The following CACNA1G variants were observed in gnomAD, a reference collection of about 807,000 sequenced individuals.
CACNA1G encodes the protein calcium voltage-gated channel subunit alpha1 G, also known as voltage-dependent T-type calcium channel subunit alpha-1G.
A neutral mutation model predicts 219.4 loss-of-function variants in CACNA1G; 67 were observed. That is an observed-to-expected ratio of 0.31 (90% CI 0.25 to 0.37). The LOEUF (loss-of-function observed/expected upper bound fraction) is 0.37. Ranked by LOEUF, CACNA1G falls within the 10% of genes least tolerant of loss-of-function variation. CACNA1G has a pLI of 1.00. For synonymous variants in CACNA1G, 1,296 were observed against 1,345.3 expected, an observed-to-expected ratio of 0.96 and a Z score of 0.80; for missense variants, 2,380 against 3,231.4, an observed-to-expected ratio of 0.74 and a Z score of 6.39.
At chr17:50,582,876 G>T (rs1449813845) in intron 9 of CACNA1G, among the ~76,000 whole-genome samples, 1 of 152,062 alleles carries the variant, frequency 6.6e-6, no homozygotes, top group African/African-American at 2.4e-5. Flanking sequence ...GACAGGGCAG[G>T]TGATGACTCT....
At chr17:50,609,495 C>T (rs1197936783) in intron 25 of CACNA1G, among the ~76,000 whole-genome samples, 1 of 152,118 alleles carries the variant, frequency 6.6e-6, no homozygotes, top group Non-Finnish European at 1.5e-5. Context: ...CCCCACCTCA[C>T]AGTCAGGCAG....
intron 13 of CACNA1G, among the ~76,000 whole-genome samples, 175 bp from the exon 14 acceptor site, chr17:50,594,818 A>C (rs1323298718): frequency 1.3e-5 from 2 of 152,014 alleles, no homozygotes; most frequent in Admixed American, 1.3e-4. Context: ...CTGTAGTTGA[A>C]TTCTGGAAGG....
At chr17:50,584,939 G>A (rs1375976772) in intron 9 of CACNA1G, among the ~76,000 whole-genome samples, 1 of 152,140 alleles carries the variant, frequency 6.6e-6, no homozygotes, top group African/African-American at 2.4e-5. Flanking sequence ...GCACATGTTC[G>A]TGCCTCTCTC....
rs1345762292 is a variant in CACNA1G, at chr17:50,621,911, T to A, written c.6060+117T>A. The A allele has an allele frequency of 8.6e-7, 1 of 1,158,980 alleles. No homozygotes were observed. The highest frequency in any genetic ancestry group is 1.2e-6 in the Non-Finnish European group (1 of 810,504). The allele number at this position is 1,158,980 out of a possible 1,614,324, so 71.8% of individuals were successfully genotyped here. A position where few individuals can be genotyped will look rare whatever the true frequency, so the allele number is the denominator to read the frequency against. On this transcript the variant is annotated intron_variant, in intron 35 of 37. Transcript: ENST00000359106. This position sits in a 1 kb window ranked among gnomAD's most constrained non-coding sequence, Gnocchi z 4.6. ...GCCTCCTCTCAGTTTGCTGCCAGGCTCCACCCAGAGGCATCAACTGTCAGG... is the reference window on the plus strand; with the variant it reads ...GCCTCCTCTCAGTTTGCTGCCAGGCACCACCCAGAGGCATCAACTGTCAGG...
intron 8 of CACNA1G, among the ~76,000 whole-genome samples, chr17:50,577,067 T>C (rs966947359): frequency 3.3e-5 from 5 of 152,126 alleles, no homozygotes; most frequent in African/African-American, 1.2e-4. Flanking sequence ...TTCGTGGGGA[T>C]GTTACGTGGG....
chr17:50,625,244 G>A (rs1355794662), intron 37 of CACNA1G, among the ~76,000 whole-genome samples: 2 of 152,202 alleles, frequency 1.3e-5, no homozygotes, highest in African/African-American at 4.8e-5. Flanking sequence ...GAGCCACCGC[G>A]CCCGGCCCCA....
chr17:50,605,419 C>G (rs1167543753), intron 22 of CACNA1G, among the ~76,000 whole-genome samples: 1 of 152,172 alleles, frequency 6.6e-6, no homozygotes, highest in African/African-American at 2.4e-5. Flanking sequence ...ACCCACTCCC[C>G]CACCCAGAGC....
At chr17:50,625,006 G>A (rs935434884) in intron 37 of CACNA1G, among the ~76,000 whole-genome samples, 1 of 146,386 alleles carries the variant, frequency 6.8e-6, no homozygotes, top group African/African-American at 2.6e-5. Flanking sequence ...AGGCTGGAGT[G>A]CAATGGCACA....
rs777732170 is a variant in CACNA1G at position 50,618,914 on chromosome 17, A to G, written c.5687A>G (p.Glu1896Gly). 10 of 1,607,874 alleles carry G rather than the reference A, an allele frequency of 6.2e-6. No individual in the cohort carries two copies. Among genetic ancestry groups the G allele is most frequent in the Non-Finnish European group, 8.5e-6 (10 of 1,176,564 alleles). Residue 1896 changes from glutamate to glycine, a missense_variant, in exon 33 of 38, where the codon GAG becomes GGG. Glu to Gly is a moderately conservative substitution (Grantham distance 98). Coordinates refer to ENST00000359106, the MANE Select transcript of CACNA1G (RefSeq NM_018896.5). This position sits in a 1 kb window ranked among gnomAD's most constrained non-coding sequence, Gnocchi z 5.3. ...LGSPFLWPGV[E>G]GPDSPDSPKP... ...AGCCCCTTCCTCTGGCCTGGGGTCGAGGGCCCCGACAGCCCCGACAGCCCC... is the reference window on the plus strand; with the variant it reads ...AGCCCCTTCCTCTGGCCTGGGGTCGGGGGCCCCGACAGCCCCGACAGCCCC...
At position 50,612,013 on chromosome 17, in the gene CACNA1G, G is replaced by A. The variant is rs191314225; in HGVS notation, c.4759+2078G>A. ...GAGGACTCAGAGACCCCGAACAAGGGCTCAGGTCATCCCATATCCCACTTC... is the reference window on the plus strand; with the variant it reads ...GAGGACTCAGAGACCCCGAACAAGGACTCAGGTCATCCCATATCCCACTTC... On this transcript the variant is annotated intron_variant, in intron 26 of 37. Transcript: ENST00000359106. Among the ~76,000 whole-genome samples, 3 of 152,342 alleles carry A rather than the reference G, an allele frequency of 2.0e-5. No homozygotes were observed. The East Asian group carries it at 5.8e-4, about 29-fold the overall frequency.
chr17:50,623,708 C>T (rs1358883050), intron 35 of CACNA1G, among the ~76,000 whole-genome samples, 199 bp from the exon 36 acceptor site: 6 of 152,126 alleles, frequency 3.9e-5, no homozygotes, highest in Non-Finnish European at 8.8e-5. Context: ...TACCTGCTTC[C>T]TCCCCGCGTG....
intron 1 of CACNA1G, among the ~76,000 whole-genome samples, chr17:50,565,734 G>A (rs1243748284): frequency 3.3e-5 from 5 of 152,080 alleles, no homozygotes; most frequent in African/African-American, 9.7e-5. Context: ...TCACCCTTGC[G>A]GCTGCCAGGC....
Position 50,626,463 on chromosome 17 carries a change from C to T in CACNA1G, c.6846C>T (p.His2282=). The T allele has an allele frequency of 6.2e-7, 1 of 1,601,426 alleles. No individual in the cohort carries two copies. The highest frequency in any genetic ancestry group is 2.3e-5 in the East Asian group (1 of 44,138). ...GCCTGGACAGCGGCTCCCAACCCCA[C>T]CTGGGCACAGACCCCTCTAACCTTG... ...VSCLDSGSQP[H]LGTDPSNLGG... The change falls in exon 38 of 38, where the codon CAC becomes CAT. Residue 2282 remains histidine, a synonymous_variant. Coordinates refer to ENST00000359106, the MANE Select transcript of CACNA1G (RefSeq NM_018896.5). The surrounding 1 kb of genome is among the most constrained non-coding windows in gnomAD (Gnocchi z 4.3).
rs373571795 is a variant in CACNA1G at position 50,618,179 on chromosome 17, C to T, written c.5306-43C>T. 1.9e-5 allele frequency: 31 copies of T among 1,612,654 alleles called. No individual in the cohort carries two copies. The highest frequency in any genetic ancestry group is 2.7e-5 in the African/African-American group (2 of 74,870). ...AGCCAGGGCTGGAGACCAGGGGGCT[C>T]CTGGACTAACATGGGCCTCTCCCCC... On this transcript the variant is annotated intron_variant, in intron 31 of 37. Coordinates refer to ENST00000359106, the MANE Select transcript of CACNA1G (RefSeq NM_018896.5). This position sits in a 1 kb window ranked among gnomAD's most constrained non-coding sequence, Gnocchi z 5.3.
Position 50,626,046 on chromosome 17 carries a change from T to C in CACNA1G, c.6429T>C (p.Val2143=), listed in dbSNP as rs2053730749. 6.2e-7 allele frequency: 1 copy of C among 1,612,612 alleles called. No homozygotes were observed. Among genetic ancestry groups the C allele is most frequent in the East Asian group, 2.2e-5 (1 of 44,824 alleles). ...QAAIRTDSLD[V]QGLGSREDLL... is the part of the protein sequence containing the mutation. Reference sequence around the variant, plus strand: ...CAATAAGGACTGACTCCTTGGACGTTCAGGGTCTGGGCAGCCGGGAAGACC... The same window carrying C: ...CAATAAGGACTGACTCCTTGGACGTCCAGGGTCTGGGCAGCCGGGAAGACC... Residue 2143 remains valine, a synonymous_variant, in exon 38 of 38, where the codon GTT becomes GTC. Transcript: ENST00000359106. This position sits in a 1 kb window ranked among gnomAD's most constrained non-coding sequence, Gnocchi z 4.3.
chr17:50,605,682 CCCG>C (rs2047803785), intron 22 of CACNA1G, among the ~76,000 whole-genome samples: 1 of 152,202 alleles, frequency 6.6e-6, no homozygotes, highest in African/African-American at 2.4e-5. Context: ...TTTCCCACTG[CCCG>C]CCCCGATTAC....
chr17:50,625,945 C>A, intron 37 of CACNA1G, 72 bp from the exon 38 acceptor site: 3 of 1,508,996 alleles, frequency 2.0e-6, no homozygotes, highest in Non-Finnish European at 2.7e-6. Flanking sequence ...GGGGGCACAG[C>A]CAGCTTGACA....
chr17:50,589,880 G>A (rs2043854266), intron 9 of CACNA1G, among the ~76,000 whole-genome samples: 1 of 146,332 alleles, frequency 6.8e-6, no homozygotes, highest in South Asian at 2.1e-4. Flanking sequence ...GTGTGACTGG[G>A]AATGCGTGCA....
chr17:50,578,293 A>G lies in CACNA1G; in HGVS notation c.2030A>G (p.Glu677Gly). The stretch of plus-strand genomic sequence containing the variant: ...TACTGTGCCCGGGCCGGGGCAGGGG[A>G]GGTGGAGCTCGCCGACCGTGAAATG... Reference protein sequence around the residue: ...CPYCARAGAGEVELADREMPD... With the variant: ...CPYCARAGAGGVELADREMPD... Residue 677 changes from glutamate (E) to glycine (G), a missense_variant, in exon 9 of 38, where the codon GAG becomes GGG. Around this residue, in one of 17 missense-constraint regions of CACNA1G, gnomAD observed 434 missense variants for 417.3 expected, o/e 1.04. Coordinates refer to ENST00000359106, the MANE Select transcript of CACNA1G (RefSeq NM_018896.5). This position sits in a 1 kb window ranked among gnomAD's most constrained non-coding sequence, Gnocchi z 4.5. 1 of 1,612,816 alleles carries G rather than the reference A, an allele frequency of 6.2e-7. No individual in the cohort carries two copies. Among genetic ancestry groups the G allele is most frequent in the South Asian group, 1.1e-5 (1 of 91,048 alleles).
Sources: allele counts gnomAD v4.1 joint callset (sites outside exome capture counted in the v4.1 genomes callset), GRCh38; gene constraint gnomAD v4.1.1; regional missense constraint gnomAD v4.1.1; non-coding constraint Gnocchi (gnomAD v3.1); transcripts MANE v1.5; gene names NCBI Gene and HGNC (gene_info 2026-07-23, HGNC 2026-07-21).